The following RNF216 variants were observed in gnomAD, a reference collection of about 807,000 sequenced individuals.
RNF216 encodes the protein E3 ubiquitin-protein ligase RNF216.
A neutral mutation model predicts 110.8 loss-of-function variants in RNF216; 72 were observed. The ratio of observed to expected loss-of-function variants is 0.65; its 90% CI spans 0.54 to 0.79. RNF216 has a LOEUF of 0.79. RNF216 is among the 30% of genes least tolerant of loss of function. The probability of loss-of-function intolerance (pLI) is 0.00; values close to 1 mark genes in which losing one functional copy is unlikely to be tolerated. For missense variants in RNF216, 1,342 were observed against 1,141.2 expected (o/e 1.18, Z -2.54); for synonymous variants, 495 against 407.5 (o/e 1.21, Z -2.59).
rs763501382 is a variant in RNF216, at chr7:5,729,502, T to C, written c.1319A>G (p.Lys440Arg). ...CTTGATGTCCTGACTACTGAGCACT[T>C]TGAAGTCGGCCATGAGGAGGTCAGC... ...QAADLLMADF[K>R]VLSSQDIKWA... Residue 440 changes from lysine to arginine, a missense_variant, in exon 7 of 17, where the codon AAA (lysine) becomes AGA (arginine). By Grantham distance (26) the Lys-to-Arg change is conservative. Transcript: ENST00000389902. The C allele has an allele frequency of 1.1e-5, 18 of 1,614,060 alleles. No homozygotes were observed. Among genetic ancestry groups the C allele is most frequent in the East Asian group, 2.2e-5 (1 of 44,894 alleles).
At chr7:5,654,182 G>A (rs1021786280) in intron 13 of RNF216, among the ~76,000 whole-genome samples, 1 of 152,218 alleles carries the variant, frequency 6.6e-6, no homozygotes, top group Admixed American at 6.5e-5. Flanking sequence ...GCAAGGACAG[G>A]TAGAAAAGGG....
intron 13 of RNF216, among the ~76,000 whole-genome samples, chr7:5,661,756 T>C (rs976121188): frequency 2.8e-4 from 42 of 152,152 alleles, no homozygotes; most frequent in African/African-American, 9.4e-4. Context: ...TGAGCTGAGA[T>C]TGTGCCACTA....
chr7:5,711,837 C>A lies in RNF216; in HGVS notation c.1985G>T (p.Cys662Phe), dbSNP rs747220764. 1.2e-6 allele frequency: 2 copies of A among 1,613,600 alleles called. No individual in the cohort carries two copies. Among genetic ancestry groups the A allele is most frequent in the Non-Finnish European group, 1.7e-6 (2 of 1,179,714 alleles). Residue 662 changes from cysteine to phenylalanine, a missense_variant and splice_region_variant, in exon 13 of 17, where the codon TGC becomes TTC. By Grantham distance (205) the Cys-to-Phe change is radical (BLOSUM62 -2). Transcript: ENST00000389902. ...AAAYADELVR[C>F]PSCSFPALLD... Reference sequence around the variant, plus strand: ...CAGAGCCGGAAAGCTACAGGACGGGCACCTAGAGTCAGAACAGCAGAACTG... The same window carrying A: ...CAGAGCCGGAAAGCTACAGGACGGGAACCTAGAGTCAGAACAGCAGAACTG...
At chr7:5,752,558 A>G (rs1179860063) in intron 3 of RNF216, among the ~76,000 whole-genome samples, 2 of 152,252 alleles carry the variant, frequency 1.3e-5, no homozygotes, top group East Asian at 1.9e-4. Context: ...TAATATGGAA[A>G]ATATAAGGCC....
intron 13 of RNF216, among the ~76,000 whole-genome samples, chr7:5,683,250 T>C (rs1584444589): frequency 6.6e-6 from 1 of 152,058 alleles, no homozygotes; most frequent in African/African-American, 2.4e-5. Flanking sequence ...CCTGGCCTCT[T>C]TGTTTATTCA....
At chr7:5,731,257 T>C (rs1584529587) in intron 5 of RNF216, among the ~76,000 whole-genome samples, 1 of 152,230 alleles carries the variant, frequency 6.6e-6, no homozygotes, top group South Asian at 2.1e-4. Flanking sequence ...AAATGAAATA[T>C]AAAAGACCTT....
intron 7 of RNF216, among the ~76,000 whole-genome samples, chr7:5,728,530 G>C (rs1035332): frequency 0.97 from 147,472 of 151,800 alleles, 71,646 homozygotes; most frequent in Middle Eastern, 0.99. Flanking sequence ...GCCGAGATTA[G>C]GCCACTGCAC....
intron 1 of RNF216, among the ~76,000 whole-genome samples, chr7:5,773,481 T>A (rs1341282562): frequency 6.6e-6 from 1 of 152,024 alleles, no homozygotes; most frequent in Non-Finnish European, 1.5e-5. Flanking sequence ...GACCTCGTGA[T>A]TTCCCCGCCT....
chr7:5,721,265 C>A, intron 8 of RNF216, 93 bp from the exon 9 acceptor site: 1 of 1,105,190 alleles, frequency 9.0e-7, no homozygotes, highest in Non-Finnish European at 1.3e-6. Context: ...TCATCCTCCA[C>A]CTTCTCTCTG....
chr7:5,757,257 T>C (rs966339302), intron 2 of RNF216, among the ~76,000 whole-genome samples: 1 of 152,222 alleles, frequency 6.6e-6, no homozygotes, highest in African/African-American at 2.4e-5. Context: ...CTGCCAATTT[T>C]TGCTTTGTAT....
intron 13 of RNF216, among the ~76,000 whole-genome samples, chr7:5,655,169 C>G (rs1445409178): frequency 6.6e-6 from 1 of 152,214 alleles, no homozygotes; most frequent in Non-Finnish European, 1.5e-5. Context: ...GCAAAATGAC[C>G]TGGCCAGGCT....
chr7:5,700,611 A>G (rs1791903992), intron 13 of RNF216, among the ~76,000 whole-genome samples: 1 of 152,350 alleles, frequency 6.6e-6, no homozygotes, highest in Admixed American at 6.5e-5. Flanking sequence ...ACTAGTACAC[A>G]AAACCACAAA....
intron 7 of RNF216, among the ~76,000 whole-genome samples, chr7:5,727,882 G>A (rs547561563): frequency 6.6e-6 from 1 of 151,504 alleles, no homozygotes; most frequent in East Asian, 2.0e-4. Context: ...CATCCTGGCT[G>A]GTGAGATTTT....
chr7:5,739,757 T>C (rs187620705), intron 4 of RNF216: 136 of 391,760 alleles, frequency 3.5e-4, no homozygotes, highest in African/African-American at 2.4e-3. Flanking sequence ...TCGAAGCACT[T>C]TGGGAGGTCG....
chr7:5,741,625 T>C lies in RNF216; in HGVS notation c.392A>G (p.Tyr131Cys), dbSNP rs759537105. Residue 131 changes from tyrosine to cysteine, a missense_variant, in exon 4 of 17, where the codon TAC becomes TGC. Physicochemically the swap from Tyr to Cys is radical, Grantham distance 194 (BLOSUM62 -2). Transcript: ENST00000389902. ...AGGCCCAAGATCCAGAAATTCACCG[T>C]AGTCATCCTCAGAATCATCCTGTGC... is the stretch of plus-strand genomic sequence containing the variant. The part of the protein sequence containing the change: ...SGAQDDSEDD[Y>C]GEFLDLGPPG... The C allele has an allele frequency of 1.9e-6, 3 of 1,614,036 alleles. No individual in the cohort carries two copies. The highest frequency in any genetic ancestry group is 1.7e-5 in the Admixed American group (1 of 59,974).
chr7:5,728,614 A>G (rs1315264770), intron 7 of RNF216, among the ~76,000 whole-genome samples: 1 of 151,940 alleles, frequency 6.6e-6, no homozygotes, highest in Non-Finnish European at 1.5e-5. Flanking sequence ...AAAAGGTGGA[A>G]GGGGCTTGGC....
chr7:5,624,001 A>G lies in RNF216; in HGVS notation c.2452+55T>C. The G allele has an allele frequency of 1.3e-6, 2 of 1,495,368 alleles. No individual in the cohort carries two copies. Among genetic ancestry groups the G allele is most frequent in the South Asian group, 2.3e-5 (2 of 86,760 alleles). The allele number at this position is 1,495,368 out of a possible 1,614,324, so 92.6% of individuals were successfully genotyped here. ...CAGGACACTCAGGGAGGCCAGCAGA[A>G]GCCTGCATGGCCTGGCTGCTGCTCT... On this transcript the variant is annotated intron_variant, in intron 16 of 16. Coordinates refer to ENST00000389902, the MANE Select transcript of RNF216 (RefSeq NM_207111.4). This position sits in a 1 kb window ranked among gnomAD's most constrained non-coding sequence, Gnocchi z 4.4.
chr7:5,754,121 T>G (rs1228158162), intron 2 of RNF216, among the ~76,000 whole-genome samples: 4 of 8,130 alleles, frequency 4.9e-4, no homozygotes, highest in East Asian at 3.5e-3. Context: ...TTTTGTGTGG[T>G]GTGTGTGTGT....
At chr7:5,627,429 C>T (rs1453321969) in intron 15 of RNF216, among the ~76,000 whole-genome samples, 1 of 152,108 alleles carries the variant, frequency 6.6e-6, no homozygotes, top group East Asian at 1.9e-4. Flanking sequence ...TCTGAAATTC[C>T]ACATGGATAG....
Sources: gnomAD v4.1 joint callset for allele counts (sites outside exome capture counted in the v4.1 genomes callset) on GRCh38, gnomAD v4.1.1 for gene constraint, Gnocchi (gnomAD v3.1) non-coding constraint, MANE v1.5 for transcripts, NCBI Gene and HGNC (gene_info 2026-07-23, HGNC 2026-07-21) for gene names.